ITGB5: variants seen among roughly 807,000 people sequenced by gnomAD.
The protein encoded by ITGB5 is integrin subunit beta 5.
Under a neutral mutation model 84.8 loss-of-function variants are expected in ITGB5, and 38 were observed. The ratio of observed to expected loss-of-function variants is 0.45; its 90% CI spans 0.35 to 0.59. The LOEUF (loss-of-function observed/expected upper bound fraction) is 0.59, where lower values mean the gene tolerates loss of function less well. ITGB5 is among the 20% of genes least tolerant of loss of function. The pLI is 0.01. For missense variants in ITGB5, 905 were observed against 1,034.5 expected (o/e 0.87, Z 1.72); for synonymous variants, 393 against 414.4 (o/e 0.95, Z 0.63).
intron 5 of ITGB5, among the ~76,000 whole-genome samples, chr3:124,835,237 G>A (rs1266674185): frequency 6.6e-6 from 1 of 152,232 alleles, no homozygotes; most frequent in Non-Finnish European, 1.5e-5. Flanking sequence ...GCAGCTGTCG[G>A]TGGGGCTGCG....
In ITGB5 at chr3:124,762,104, A is replaced by G. The variant is rs560959045; in HGVS notation, c.*1519T>C. The G allele has an allele frequency of 6.6e-6, 1 of 152,316 alleles. No homozygotes were observed. The highest frequency in any genetic ancestry group is 2.4e-5 in the African/African-American group (1 of 41,552). The allele number at this position is 152,316 out of a possible 1,614,324, so 9.4% of individuals were successfully genotyped here. A position where few individuals can be genotyped will look rare whatever the true frequency, so the allele number is the denominator to read the frequency against. ...CTCTGTTTCATCATATTTACACAAGATGAAGGAAACTCAATCTGTTCGTAT... is the reference window on the plus strand; with the variant it reads ...CTCTGTTTCATCATATTTACACAAGGTGAAGGAAACTCAATCTGTTCGTAT... On this transcript the variant is annotated 3_prime_UTR_variant, in exon 15 of 15. Coordinates refer to ENST00000296181, the MANE Select transcript of ITGB5 (RefSeq NM_002213.5).
At chr3:124,766,602 C>A (rs879863029) in intron 12 of ITGB5, among the ~76,000 whole-genome samples, 2 of 151,926 alleles carry the variant, frequency 1.3e-5, no homozygotes, top group Non-Finnish European at 2.9e-5. Flanking sequence ...AAGTGTTAGT[C>A]GGGGGTGATG....
chr3:124,778,110 C>A (rs2150943037), intron 10 of ITGB5, among the ~76,000 whole-genome samples: 1 of 152,316 alleles, frequency 6.6e-6, no homozygotes, highest in Middle Eastern at 3.4e-3. Flanking sequence ...GCTACCTTGG[C>A]AAAGTGAGTT....
At chr3:124,873,790 C>T (rs1934170815) in intron 1 of ITGB5, among the ~76,000 whole-genome samples, 1 of 152,084 alleles carries the variant, frequency 6.6e-6, no homozygotes, top group East Asian at 1.9e-4. Flanking sequence ...CTCATTTTCC[C>T]CATAACTCAG....
intron 1 of ITGB5, among the ~76,000 whole-genome samples, chr3:124,896,746 T>TAA (rs34601718): frequency 0.47 from 58,774 of 124,294 alleles, 13,984 homozygotes; most frequent in East Asian, 0.66. Flanking sequence ...GACCTTGTCT[T>TAA]AAAAAAAAAA....
intron 10 of ITGB5, among the ~76,000 whole-genome samples, chr3:124,779,415 G>GCCTCCCCAA (rs927549022): frequency 6.6e-6 from 1 of 152,144 alleles, no homozygotes; most frequent in African/African-American, 2.4e-5. Flanking sequence ...CCCACCACCA[G>GCCTCCCCAA]CCTCCCCAAC....
chr3:124,764,469 C>T lies in ITGB5; in HGVS notation c.2226G>A (p.Trp742Ter). Reference protein sequence around the residue: ...LLVGLALLAIWKLLVTIHDRR... With the variant: ...LLVGLALLAI The stretch of plus-strand genomic sequence containing the variant: ...GGTCGTGGATGGTGACAAGCAGCTT[C>T]CAGATAGCCAGGAGTGCAAGCCCAA... The change falls in exon 14 of 15, where the codon TGG (tryptophan) becomes TGA (stop). Residue 742 changes from tryptophan to a stop codon, truncating the protein, a stop_gained. Coordinates refer to ENST00000296181, the MANE Select transcript of ITGB5 (RefSeq NM_002213.5). LOFTEE classifies it high-confidence loss of function. The T allele has an allele frequency of 6.2e-7, 1 of 1,614,082 alleles. No homozygotes were observed. Among genetic ancestry groups the T allele is most frequent in the Non-Finnish European group, 8.5e-7 (1 of 1,180,006 alleles).
At chr3:124,765,283 G>A (rs1389126226) in intron 13 of ITGB5, among the ~76,000 whole-genome samples, 2 of 152,150 alleles carry the variant, frequency 1.3e-5, no homozygotes, top group African/African-American at 4.8e-5. Context: ...TTGGTCCCTG[G>A]GTCCAAGCAG....
intron 11 of ITGB5, among the ~76,000 whole-genome samples, chr3:124,772,089 C>T (rs1368064185): frequency 1.3e-5 from 2 of 152,116 alleles, no homozygotes; most frequent in Non-Finnish European, 1.5e-5. Context: ...GTTGGGGGCA[C>T]CTCCCTCGGA....
chr3:124,884,233 AAAG>A (rs1424238988), intron 1 of ITGB5, among the ~76,000 whole-genome samples: 2 of 152,018 alleles, frequency 1.3e-5, no homozygotes, highest in African/African-American at 4.8e-5. Context: ...AGAAAAAAAA[AAAG>A]AATGTTGAAG....
intron 2 of ITGB5, among the ~76,000 whole-genome samples, chr3:124,859,717 C>A (rs1359241528): frequency 6.6e-6 from 1 of 152,138 alleles, no homozygotes; most frequent in Non-Finnish European, 1.5e-5. Flanking sequence ...GGTTAAAATG[C>A]TCCTAACTGC....
At chr3:124,889,516 TG>T (rs1934949093), upstream of ITGB5, among the ~76,000 whole-genome samples, 1 of 152,222 alleles carries the variant, frequency 6.6e-6, no homozygotes, top group Non-Finnish European at 1.5e-5. Context: ...TCCTTAACCT[TG>T]GCAAAATAAA....
chr3:124,865,476 TTTTTC>T (rs1168392928), intron 2 of ITGB5, among the ~76,000 whole-genome samples: 2,750 of 83,620 alleles, frequency 0.033, 76 homozygotes, highest in South Asian at 0.049. Context: ...CTTTGCGGCT[TTTTTC>T]TTTTTTTTTT....
At chr3:124,826,393 C>T (rs1490427651) in intron 5 of ITGB5, among the ~76,000 whole-genome samples, 1 of 152,214 alleles carries the variant, frequency 6.6e-6, no homozygotes, top group Non-Finnish European at 1.5e-5. Flanking sequence ...GCTGCCCCTA[C>T]TTACCTGTGC....
chr3:124,805,431 C>T (rs930332038), intron 9 of ITGB5, among the ~76,000 whole-genome samples: 1 of 152,012 alleles, frequency 6.6e-6, no homozygotes, highest in Non-Finnish European at 1.5e-5. Flanking sequence ...GTGTGAGTCA[C>T]TGTGCCTAGC....
At chr3:124,875,476 C>CAA (rs35782965) in intron 1 of ITGB5, among the ~76,000 whole-genome samples, 2,722 of 104,354 alleles carry the variant, frequency 0.026, 122 homozygotes, top group African/African-American at 0.08. Context: ...GACTCTGTCT[C>CAA]AAAAAAAAAA....
intron 2 of ITGB5, among the ~76,000 whole-genome samples, chr3:124,860,433 A>G (rs1437605283): frequency 6.6e-6 from 1 of 152,212 alleles, no homozygotes; most frequent in Admixed American, 6.5e-5. Context: ...TTTTGTTTTT[A>G]TCTTTGTTGT....
At chr3:124,882,609 G>A (rs758499063) in intron 1 of ITGB5, among the ~76,000 whole-genome samples, 1 of 152,232 alleles carries the variant, frequency 6.6e-6, no homozygotes, top group Non-Finnish European at 1.5e-5. Flanking sequence ...AGTAGGTGGA[G>A]AGTTCGTGGA....
chr3:124,776,229 G>A (rs554297597), intron 10 of ITGB5, among the ~76,000 whole-genome samples: 6 of 152,240 alleles, frequency 3.9e-5, no homozygotes, highest in African/African-American at 7.2e-5. Flanking sequence ...GGGAGAGGGC[G>A]GTCCTGCCCC....
Sources: allele counts gnomAD v4.1 joint callset (sites outside exome capture counted in the v4.1 genomes callset), GRCh38; gene constraint gnomAD v4.1.1; transcripts MANE v1.5; gene names NCBI Gene and HGNC (gene_info 2026-07-23, HGNC 2026-07-21).